PAG1: variants seen among roughly 807,000 people sequenced by gnomAD.
PAG1 encodes phosphoprotein membrane anchor with glycosphingolipid microdomains 1.
A neutral mutation model predicts 31.7 loss-of-function variants in PAG1; 23 were observed. That is an observed-to-expected ratio of 0.73 (90% confidence interval 0.52 to 1.03). The LOEUF is 1.03. PAG1 is among the 50% of genes least tolerant of loss of function. PAG1 has a pLI of 0.00. For missense variants in PAG1, 473 were observed against 540.7 expected (o/e 0.87, Z 1.24); for synonymous variants, 214 against 210.3 (o/e 1.02, Z -0.15).
intron 3 of PAG1, among the ~76,000 whole-genome samples, chr8:81,000,980 C>T (rs1209861363): frequency 2.0e-5 from 3 of 152,218 alleles, no homozygotes; most frequent in Non-Finnish European, 4.4e-5. Context: ...CTCACACAAG[C>T]CTCAAGGGGG....
chr8:81,005,616 A>G (rs1807861457), intron 3 of PAG1, among the ~76,000 whole-genome samples: 1 of 152,234 alleles, frequency 6.6e-6, no homozygotes, highest in Admixed American at 6.5e-5. Context: ...TAGAGACACA[A>G]CAATGGGACA....
intron 4 of PAG1, 123 bp downstream of exon 4, chr8:80,992,974 AGCTAAT>A: frequency 1.4e-6 from 1 of 706,340 alleles, no homozygotes. Flanking sequence ...AGAGAGTTAA[AGCTAAT>A]GCACAAGTTT....
At chr8:80,994,413 G>A (rs971285988) in intron 3 of PAG1, among the ~76,000 whole-genome samples, 11 of 152,166 alleles carry the variant, frequency 7.2e-5, no homozygotes, top group African/African-American at 1.2e-4. Flanking sequence ...GTACATTTCC[G>A]TACCTGGTAT....
chr8:81,012,630 A>T (rs1476115003), intron 3 of PAG1, among the ~76,000 whole-genome samples: 4 of 152,254 alleles, frequency 2.6e-5, no homozygotes, highest in Non-Finnish European at 4.4e-5. Context: ...TGATTCTTCT[A>T]TTATGATTTA....
At chr8:81,055,871 G>A (rs1586192040) in intron 2 of PAG1, among the ~76,000 whole-genome samples, 3 of 152,328 alleles carry the variant, frequency 2.0e-5, no homozygotes, top group African/African-American at 7.2e-5. Flanking sequence ...AGATGGTGGG[G>A]TTTTCTAGAT....
At chr8:81,054,419 A>G (rs1234582315) in intron 2 of PAG1, among the ~76,000 whole-genome samples, 1 of 152,154 alleles carries the variant, frequency 6.6e-6, no homozygotes, top group African/African-American at 2.4e-5. Context: ...ATTTTCCTGT[A>G]ATCCCAGCAC....
At chr8:81,083,793 G>C (rs1299371336) in intron 1 of PAG1, among the ~76,000 whole-genome samples, 6 of 152,296 alleles carry the variant, frequency 3.9e-5, no homozygotes, top group Admixed American at 6.5e-5. Flanking sequence ...CCAGCACTTT[G>C]GGAGGCTGAG....
intron 3 of PAG1, among the ~76,000 whole-genome samples, chr8:81,018,696 T>A (rs1185985687): frequency 1.3e-5 from 2 of 152,220 alleles, no homozygotes; most frequent in African/African-American, 4.8e-5. Flanking sequence ...CCTTACACCA[T>A]GATTGTGAGG....
At chr8:81,094,579 C>A (rs954449115) in intron 1 of PAG1, among the ~76,000 whole-genome samples, 3 of 152,038 alleles carry the variant, frequency 2.0e-5, no homozygotes, top group Non-Finnish European at 4.4e-5. Context: ...GAAAAAGAGG[C>A]CCAGAAACAC....
intron 1 of PAG1, among the ~76,000 whole-genome samples, chr8:81,106,699 T>G (rs145990984): frequency 3.9e-5 from 6 of 152,178 alleles, no homozygotes; most frequent in Non-Finnish European, 7.4e-5. Context: ...CAGTATGAAA[T>G]CGAGAAAAAA....
chr8:81,092,563 C>T (rs1809465890), intron 1 of PAG1, among the ~76,000 whole-genome samples: 2 of 152,178 alleles, frequency 1.3e-5, no homozygotes, highest in South Asian at 2.1e-4. Flanking sequence ...ATGTTGATGT[C>T]CCTCTACAGA....
chr8:81,076,055 C>T (rs1319728242), intron 1 of PAG1, among the ~76,000 whole-genome samples: 1 of 152,216 alleles, frequency 6.6e-6, no homozygotes, highest in African/African-American at 2.4e-5. Context: ...ACTGGCTTAT[C>T]ACTACAGGTA....
chr8:81,075,361 T>C (rs1475029179), intron 1 of PAG1, among the ~76,000 whole-genome samples: 1 of 152,260 alleles, frequency 6.6e-6, no homozygotes, highest in Non-Finnish European at 1.5e-5. Context: ...GTCTAGTTAA[T>C]GGAGGCTTTG....
intron 3 of PAG1, among the ~76,000 whole-genome samples, chr8:81,005,044 C>G (rs1019747342): frequency 4.6e-5 from 7 of 152,154 alleles, no homozygotes; most frequent in African/African-American, 7.2e-5. Context: ...AATATTCATG[C>G]AAGAGGTGAC....
chr8:81,083,880 T>C (rs1809308702), intron 1 of PAG1, among the ~76,000 whole-genome samples: 1 of 151,668 alleles, frequency 6.6e-6, no homozygotes, highest in Non-Finnish European at 1.5e-5. Context: ...ACTGAAAATA[T>C]AAAAATTAGC....
Position 81,092,161 on chromosome 8 carries a change from T to C in PAG1, c.-234+19430A>G, listed in dbSNP as rs151240394. Among the ~76,000 whole-genome samples the C allele has an allele frequency of 5.8e-3, 696 of 120,226 alleles. 9 individuals are homozygous for C. The highest frequency in any genetic ancestry group is 0.022 in the African/African-American group (672 of 30,584). 78.9% of individuals were successfully genotyped at this position (120,226 alleles called of 152,430 possible). ...TGATCTCAGGAGTTCAAGACCAGCC[T>C]GAGCAACATGGCAAAACCACATCTC... On this transcript the variant is annotated intron_variant, in intron 1 of 8. Transcript: ENST00000220597.
chr8:81,061,867 G>A (rs1462829856), intron 2 of PAG1, among the ~76,000 whole-genome samples: 1 of 152,122 alleles, frequency 6.6e-6, no homozygotes, highest in Non-Finnish European at 1.5e-5. Context: ...TGACAAGAAG[G>A]AGCCATCCTC....
chr8:81,064,577 T>C (rs575225127), intron 2 of PAG1, among the ~76,000 whole-genome samples: 1 of 152,264 alleles, frequency 6.6e-6, no homozygotes, highest in South Asian at 2.1e-4. Context: ...TAAAGCTAAC[T>C]AGAAAACCTA....
intron 3 of PAG1, among the ~76,000 whole-genome samples, chr8:81,003,493 C>T (rs1392159246): frequency 6.6e-6 from 1 of 152,128 alleles, no homozygotes; most frequent in Admixed American, 6.5e-5. Context: ...CTTAAAGGAA[C>T]TTGAATATAA....
Sources: gnomAD v4.1 joint callset for allele counts (sites outside exome capture counted in the v4.1 genomes callset) on GRCh38, gnomAD v4.1.1 for gene constraint, MANE v1.5 for transcripts, NCBI Gene and HGNC (gene_info 2026-07-23, HGNC 2026-07-21) for gene names.